Variants in DSCAM observed in about 807,000 individuals in gnomAD.
DSCAM encodes the protein cell adhesion molecule DSCAM.
In DSCAM, 47 loss-of-function variants were observed where a neutral mutation model predicts 217.7. The observed-to-expected ratio is 0.22, with a 90% CI of 0.17 to 0.28. The LOEUF (loss-of-function observed/expected upper bound fraction) is 0.28. Among genes scored for constraint, DSCAM ranks in the 10% least tolerant of loss-of-function variants. DSCAM has a pLI of 1.00. For missense variants in DSCAM, 2,080 were observed against 2,618.3 expected (o/e 0.79, Z 4.49); for synonymous variants, 1,056 against 1,015.3 (o/e 1.04, Z -0.76).
In DSCAM at chr21:40,755,840, G is replaced by A. The variant is rs546214250; in HGVS notation, c.44-47069C>T. Among the ~76,000 whole-genome samples, 61 of 152,296 alleles carry A rather than the reference G, an allele frequency of 4.0e-4. 1 individual carries two copies. The highest frequency in any genetic ancestry group is 6.8e-3 in the Middle Eastern group (2 of 294). On this transcript the variant is annotated intron_variant, in intron 1 of 32. Transcript: ENST00000400454. ...TGCAATAAATTCTGTCATCCTTCATGCATGTCCTTTGCAATGTGACTTTGC... is the reference window on the plus strand; with the variant it reads ...TGCAATAAATTCTGTCATCCTTCATACATGTCCTTTGCAATGTGACTTTGC...
rs1569074522 is a variant in DSCAM, at chr21:40,342,650, T to TATATA, written c.1211-3236_1211-3235insTATAT. Among the ~76,000 whole-genome samples the TATATA allele has an allele frequency of 4.8e-4, 22 of 45,478 alleles. No individual in the cohort carries two copies. In the East Asian group the frequency reaches 7.0e-3, roughly 15 times the overall value. 29.8% of individuals were successfully genotyped at this position (45,478 alleles called of 152,430 possible). ...TGTATATATATATATATATATATAT[T>TATATA]TTTTTTTTTTTTTTGAGACAGTGTC... On this transcript the variant is annotated intron_variant, in intron 6 of 32. Transcript: ENST00000400454.
intron 1 of DSCAM, among the ~76,000 whole-genome samples, chr21:40,793,330 A>G (rs1249171429): frequency 1.3e-5 from 2 of 152,176 alleles, no homozygotes; most frequent in East Asian, 3.8e-4. Context: ...ATATCTGCCA[A>G]GAATGCGGAG....
rs778137388 is a variant in DSCAM, at chr21:40,665,893, C to T, written c.508+26917G>A. 2.5e-4 allele frequency among the ~76,000 whole-genome samples: 38 copies of T among 152,324 alleles called. 1 individual carries two copies. The highest frequency in any genetic ancestry group is 4.3e-4 in the Non-Finnish European group (29 of 68,036). ...AAGATTGCAGAACCATGGTTAGGCACGCTGCCATAGCATTCCCTGAGTATC... is the reference window on the plus strand; with the variant it reads ...AAGATTGCAGAACCATGGTTAGGCATGCTGCCATAGCATTCCCTGAGTATC... On this transcript the variant is annotated intron_variant, in intron 3 of 32. Transcript: ENST00000400454.
chr21:40,349,424 G>A (rs1316294159), intron 5 of DSCAM, among the ~76,000 whole-genome samples: 1 of 152,042 alleles, frequency 6.6e-6, no homozygotes, highest in African/African-American at 2.4e-5. Context: ...TCTCATCCTC[G>A]CCTTGCTATG....
At chr21:40,730,180 CATAAA>C (rs1376431737) in intron 1 of DSCAM, among the ~76,000 whole-genome samples, 1 of 152,090 alleles carries the variant, frequency 6.6e-6, no homozygotes, top group African/African-American at 2.4e-5. Flanking sequence ...CGCAGGAGGT[CATAAA>C]ATAGAGTCCA....
At chr21:40,017,366 C>T (rs1194456512) in intron 32 of DSCAM, among the ~76,000 whole-genome samples, 1 of 152,016 alleles carries the variant, frequency 6.6e-6, no homozygotes, top group African/African-American at 2.4e-5. Context: ...TTCAGGATAT[C>T]TTTATTCTAC....
chr21:40,677,896 G>A (rs184792290), intron 3 of DSCAM, among the ~76,000 whole-genome samples: 7 of 152,200 alleles, frequency 4.6e-5, no homozygotes, highest in East Asian at 1.9e-4. Context: ...CCAGAGCTCT[G>A]AGAAATAAAT....
intron 3 of DSCAM, among the ~76,000 whole-genome samples, chr21:40,545,672 T>C (rs1467352302): frequency 6.6e-6 from 1 of 152,170 alleles, no homozygotes; most frequent in East Asian, 1.9e-4. Flanking sequence ...TGAGATGATG[T>C]GTGAAATATG....
chr21:40,651,837 G>C (rs920156402), intron 3 of DSCAM, among the ~76,000 whole-genome samples: 3 of 152,158 alleles, frequency 2.0e-5, no homozygotes, highest in Non-Finnish European at 4.4e-5. Context: ...CTTCTGCCAG[G>C]AATTAGTCTA....
At chr21:40,654,183 C>G (rs140841771) in intron 3 of DSCAM, among the ~76,000 whole-genome samples, 3 of 152,216 alleles carry the variant, frequency 2.0e-5, no homozygotes, top group African/African-American at 7.2e-5. Flanking sequence ...ATCACCAATA[C>G]GATATTACTG....
chr21:40,189,595 T>C (rs2090933390), intron 11 of DSCAM, among the ~76,000 whole-genome samples: 2 of 152,292 alleles, frequency 1.3e-5, no homozygotes, highest in East Asian at 1.9e-4. Context: ...TTCATTCCCA[T>C]GTTTCATGGG....
chr21:40,834,866 G>A (rs1335836106), intron 1 of DSCAM, among the ~76,000 whole-genome samples: 1 of 152,226 alleles, frequency 6.6e-6, no homozygotes, highest in South Asian at 2.1e-4. Context: ...AGTTTCTAAA[G>A]AGGGAGAGAG....
At chr21:40,836,399 T>TA (rs1200446432) in intron 1 of DSCAM, among the ~76,000 whole-genome samples, 15 of 152,214 alleles carry the variant, frequency 9.9e-5, no homozygotes, top group African/African-American at 3.6e-4. Context: ...AGATGATTCG[T>TA]AAGCTGCTAG....
intron 3 of DSCAM, among the ~76,000 whole-genome samples, chr21:40,558,257 T>TA (rs1271833910): frequency 1.3e-5 from 2 of 151,740 alleles, no homozygotes; most frequent in Non-Finnish European, 2.9e-5. Context: ...CCATCCTGGT[T>TA]AACACGGTGA....
chr21:40,467,930 CA>C (rs56379350), intron 3 of DSCAM, among the ~76,000 whole-genome samples: 20,229 of 84,370 alleles, frequency 0.24, 1,488 homozygotes, highest in South Asian at 0.27. Flanking sequence ...AAAGATTAAC[CA>C]AAAAAAAAAA....
chr21:40,393,122 T>C (rs961781165), intron 3 of DSCAM, among the ~76,000 whole-genome samples: 2 of 152,168 alleles, frequency 1.3e-5, no homozygotes, highest in African/African-American at 2.4e-5. Flanking sequence ...TCTTCTTGGA[T>C]GAAAGATTTA....
At chr21:40,086,465 G>A (rs2089533272) in intron 22 of DSCAM, among the ~76,000 whole-genome samples, 1 of 152,130 alleles carries the variant, frequency 6.6e-6, no homozygotes, top group Non-Finnish European at 1.5e-5. Context: ...ACTACACCAA[G>A]CCATTATTTC....
intron 1 of DSCAM, among the ~76,000 whole-genome samples, chr21:40,791,280 AG>A (rs2091640342): frequency 6.6e-6 from 1 of 151,924 alleles, no homozygotes; most frequent in Non-Finnish European, 1.5e-5. Context: ...CTATCTTCCA[AG>A]AAGCTCTAAT....
intron 4 of DSCAM, among the ~76,000 whole-genome samples, chr21:40,364,759 TACATATATATATATATATATAC>T (rs2123686592): frequency 7.6e-6 from 1 of 131,004 alleles, no homozygotes; most frequent in East Asian, 2.2e-4. Flanking sequence ...CTAGTATATA[TACATATATATATATATATATAC>T]ACACATACAT....
Sources: allele counts gnomAD v4.1 joint callset (sites outside exome capture counted in the v4.1 genomes callset), GRCh38; gene constraint gnomAD v4.1.1; transcripts MANE v1.5; gene names NCBI Gene and HGNC (gene_info 2026-07-23, HGNC 2026-07-21).